DNAH5: variants seen among roughly 807,000 people sequenced by gnomAD.
DNAH5 encodes axonemal beta dynein heavy chain 5.
A neutral mutation model predicts 518.2 loss-of-function variants in DNAH5; 372 were observed. That is an observed-to-expected ratio of 0.72 (90% confidence interval 0.66 to 0.78). The LOEUF is 0.78. DNAH5 is among the 30% of genes least tolerant of loss of function. The probability of loss-of-function intolerance (pLI) is 0.00; values close to 1 mark genes in which losing one functional copy is unlikely to be tolerated. For missense variants in DNAH5, 5,523 were observed against 5,687.0 expected, an observed-to-expected ratio of 0.97 and a Z score of 0.93; for synonymous variants, 2,039 against 2,025.9, an observed-to-expected ratio of 1.01 and a Z score of -0.17.
At chr5:13,877,861 G>C (rs1180250459) in intron 21 of DNAH5, among the ~76,000 whole-genome samples, 1 of 152,176 alleles carries the variant, frequency 6.6e-6, no homozygotes, top group Non-Finnish European at 1.5e-5. Flanking sequence ...CAAGAAAAAA[G>C]TGATGGCTTT....
At position 13,769,492 on chromosome 5, in the gene DNAH5, C is replaced by T. The variant is rs750860240; in HGVS notation, c.9720+9G>A. 1.2e-6 allele frequency: 2 copies of T among 1,609,900 alleles called. No individual in the cohort carries two copies. Among genetic ancestry groups the T allele is most frequent in the Admixed American group, 3.3e-5 (2 of 60,004 alleles). On this transcript the variant is annotated intron_variant, in intron 57 of 78. Coordinates refer to ENST00000265104, the MANE Select transcript of DNAH5 (RefSeq NM_001369.3). ...AAGGAATGTGGCACATGTGTAAATG[C>T]CCACCCACCATGTCGGCTTTATCGT...
chr5:13,737,339 T>A lies in DNAH5; in HGVS notation c.11368A>T (p.Arg3790Trp). The change falls in exon 66 of 79, where the codon AGG (arginine) becomes TGG (tryptophan). Residue 3790 changes from arginine to tryptophan, a missense_variant. Transcript: ENST00000265104. Reference protein sequence around the residue: ...SLIVVLSNTKRTAEEVTQKLE... With the variant: ...SLIVVLSNTKWTAEEVTQKLE... ...TTCTGTGTCACCTCCTCGGCTGTCC[T>A]TTTTGTGTTACTCAGCACGACAATG... The A allele has an allele frequency of 6.2e-7, 1 of 1,614,120 alleles. No individual in the cohort carries two copies. Among genetic ancestry groups the A allele is most frequent in the Non-Finnish European group, 8.5e-7 (1 of 1,179,980 alleles).
chr5:13,885,302 CAGATAGAT>C, intron 18 of DNAH5, 74 bp from the exon 19 acceptor site: 1 of 1,537,500 alleles, frequency 6.5e-7, no homozygotes, highest in East Asian at 2.3e-5. Context: ...GATAGATAGA[CAGATAGAT>C]AGAATCATCT....
At position 13,939,369 on chromosome 5, in the gene DNAH5, C is replaced by G. The variant is rs565052312; in HGVS notation, c.57+5013G>C. ...ATAAGTGACTACACAGAATTCTACC[C>G]TGGGTAGGATAGTAGCTCCCCCTCA... On this transcript the variant is annotated intron_variant, in intron 1 of 78. Coordinates refer to ENST00000265104, the MANE Select transcript of DNAH5 (RefSeq NM_001369.3). Among the ~76,000 whole-genome samples, 90 of 152,280 alleles carry G rather than the reference C, an allele frequency of 5.9e-4. 2 individuals carry two copies. The South Asian group carries it at 0.015, about 25-fold the overall frequency.
chr5:13,729,339 ATAT>A lies in DNAH5; in HGVS notation c.11883+97_11883+99del. On this transcript the variant is annotated intron_variant, in intron 69 of 78. Coordinates refer to ENST00000265104, the MANE Select transcript of DNAH5 (RefSeq NM_001369.3). ...ATGTAATACCATTTTAAGAGTGACA[ATAT>A]TAAGAACTATCTCTCTTCCACAAAT... 3 of 1,495,690 alleles carry A rather than the reference ATAT, an allele frequency of 2.0e-6. No individual in the cohort carries two copies. In the African/African-American group the frequency reaches 4.1e-5, roughly 21 times the overall value. 92.7% of individuals were successfully genotyped at this position (1,495,690 alleles called of 1,614,324 possible). A position where few individuals can be genotyped will look rare whatever the true frequency, so the allele number is the denominator to read the frequency against.
At chr5:13,730,819 G>A (rs1442032062) in intron 68 of DNAH5, among the ~76,000 whole-genome samples, 1 of 151,674 alleles carries the variant, frequency 6.6e-6, no homozygotes, top group African/African-American at 2.4e-5. Context: ...TCCTGCCTCA[G>A]CCTCGTGAGT....
intron 11 of DNAH5, 73 bp downstream of exon 11, chr5:13,913,670 C>T (rs1406216643): frequency 1.3e-6 from 2 of 1,544,532 alleles, no homozygotes. Context: ...TCATTCTAAA[C>T]ACTGTTATTT....
chr5:13,849,413 A>G (rs755121561), intron 31 of DNAH5, among the ~76,000 whole-genome samples: 2 of 152,220 alleles, frequency 1.3e-5, no homozygotes, highest in African/African-American at 4.8e-5. Context: ...TGTGATAAGA[A>G]AGCAGATGGA....
intron 30 of DNAH5, among the ~76,000 whole-genome samples, chr5:13,857,844 C>A (rs1430932148): frequency 6.6e-6 from 1 of 152,116 alleles, no homozygotes; most frequent in Non-Finnish European, 1.5e-5. Context: ...TTCCTTACAC[C>A]TTATACAAAA....
intron 11 of DNAH5, among the ~76,000 whole-genome samples, chr5:13,912,962 A>C (rs1776190604): frequency 6.6e-6 from 1 of 152,002 alleles, no homozygotes. Flanking sequence ...TATCTCTCCC[A>C]AAACTTGGTA....
intron 35 of DNAH5, among the ~76,000 whole-genome samples, chr5:13,836,305 C>G (rs1455369698): frequency 6.6e-6 from 1 of 152,006 alleles, no homozygotes; most frequent in African/African-American, 2.4e-5. Context: ...GGAGAGAAGC[C>G]CTGGTTTGAG....
chr5:13,905,516 T>G (rs146377053), intron 12 of DNAH5, among the ~76,000 whole-genome samples: 1 of 152,204 alleles, frequency 6.6e-6, no homozygotes, highest in Admixed American at 6.5e-5. Flanking sequence ...TCTGCAGTTA[T>G]GTTATAGCAA....
intron 31 of DNAH5, among the ~76,000 whole-genome samples, chr5:13,849,737 A>C (rs528680372): frequency 2.0e-5 from 3 of 152,302 alleles, no homozygotes; most frequent in African/African-American, 7.2e-5. Flanking sequence ...TTAGCCGAGA[A>C]TAAATAAGTA....
Position 13,754,322 on chromosome 5 carries a change from G to C in DNAH5, c.10436C>G (p.Ala3479Gly). The change falls in exon 62 of 79, where the codon GCA becomes GGA. Residue 3479 changes from alanine to glycine, a missense_variant. Around this residue, in one of 3 missense-constraint regions of DNAH5, gnomAD observed 5,121 missense variants for 5,223.3 expected, o/e 0.98. Coordinates refer to ENST00000265104, the MANE Select transcript of DNAH5 (RefSeq NM_001369.3). ...MTEKQTLLED[A>G]ERCRHKMQTA... ...CTGCATCTTGTGTCTGCATCGCTCT[G>C]CATCTTCAAGCAAGGTCTAACAAAG... 6.2e-7 allele frequency: 1 copy of C among 1,614,046 alleles called. No homozygotes were observed. Among genetic ancestry groups the C allele is most frequent in the Non-Finnish European group, 8.5e-7 (1 of 1,179,966 alleles).
At chr5:13,822,221 G>A (rs992828208) in intron 40 of DNAH5, among the ~76,000 whole-genome samples, 6 of 150,754 alleles carry the variant, frequency 4.0e-5, no homozygotes, top group Non-Finnish European at 8.8e-5. Context: ...ACTAAGTACT[G>A]CTACATTTTG....
chr5:13,775,947 C>T (rs1754022367), intron 55 of DNAH5, among the ~76,000 whole-genome samples: 1 of 144,160 alleles, frequency 6.9e-6, no homozygotes, highest in South Asian at 2.2e-4. Flanking sequence ...AAAATATCAA[C>T]AGACAATTTC....
At chr5:13,766,237 C>G in intron 58 of DNAH5, 58 bp from the exon 59 acceptor site, 1 of 1,558,070 alleles carries the variant, frequency 6.4e-7, no homozygotes, top group Non-Finnish European at 8.9e-7. Context: ...GACAAGCAAA[C>G]CTTGCATGTC....
intron 5 of DNAH5, 42 bp downstream of exon 5, chr5:13,922,064 GA>G: frequency 6.3e-7 from 1 of 1,588,508 alleles, no homozygotes; most frequent in Non-Finnish European, 8.6e-7. Context: ...TGTGCTTGTT[GA>G]CCACCTGATC....
chr5:13,718,012 ATTAGAT>A (rs1241434430), intron 72 of DNAH5, among the ~76,000 whole-genome samples: 2 of 151,992 alleles, frequency 1.3e-5, no homozygotes, highest in African/African-American at 4.8e-5. Context: ...TGTATATATA[ATTAGAT>A]TTATTTATTT....
Sources: allele counts gnomAD v4.1 joint callset (sites outside exome capture counted in the v4.1 genomes callset), GRCh38; gene constraint gnomAD v4.1.1; regional missense constraint gnomAD v4.1.1; transcripts MANE v1.5; gene names NCBI Gene and HGNC (gene_info 2026-07-23, HGNC 2026-07-21).